The following WDR7 variants were observed in gnomAD, a reference collection of about 807,000 sequenced individuals.
WDR7 encodes WD repeat domain 7.
Under a neutral mutation model 169.4 loss-of-function variants are expected in WDR7, and 46 were observed. That is an observed-to-expected ratio of 0.27 (90% confidence interval 0.21 to 0.35). WDR7 has a LOEUF of 0.35. Among genes scored for constraint, WDR7 ranks in the 10% least tolerant of loss-of-function variants. The pLI, the probability that WDR7 is intolerant of heterozygous loss-of-function variation, is 1.00. For missense variants in WDR7, 1,534 were observed against 1,859.3 expected (o/e 0.83, Z 3.22); for synonymous variants, 612 against 666.8 (o/e 0.92, Z 1.27).
rs943060467 is a variant in WDR7, at chr18:57,028,431, A to C, written c.*1224A>C. ...TCATAATAATGAAAAAAATAGAATT[A>C]TATTTTGTATGAATTGTTTCTAACA... On this transcript the variant is annotated 3_prime_UTR_variant, in exon 28 of 28. Coordinates refer to ENST00000254442, the MANE Select transcript of WDR7 (RefSeq NM_015285.3). 5 of 152,298 alleles carry C rather than the reference A, an allele frequency of 3.3e-5. No individual in the cohort carries two copies. The highest frequency in any genetic ancestry group is 2.0e-4 in the Admixed American group (3 of 15,302). 9.4% of individuals were successfully genotyped at this position (152,298 alleles called of 1,614,324 possible).
chr18:56,975,764 C>T (rs903100905), intron 26 of WDR7, among the ~76,000 whole-genome samples: 67 of 152,186 alleles, frequency 4.4e-4, no homozygotes, highest in Non-Finnish European at 2.9e-5. Flanking sequence ...TGTGGCACAC[C>T]GGAGGGCACA....
intron 9 of WDR7, among the ~76,000 whole-genome samples, chr18:56,692,965 C>T (rs1445866216): frequency 6.6e-6 from 1 of 151,934 alleles, no homozygotes; most frequent in Non-Finnish European, 1.5e-5. Flanking sequence ...ACTTGGGAGG[C>T]TGAAGTGGGA....
chr18:56,798,471 A>G (rs2044620673), intron 19 of WDR7, among the ~76,000 whole-genome samples: 1 of 152,172 alleles, frequency 6.6e-6, no homozygotes, highest in Admixed American at 6.5e-5. Context: ...ATGCTTCTAA[A>G]CAGGACAGCC....
At position 57,029,384 on chromosome 18, in the gene WDR7, T is replaced by C. The variant is rs2048415834; in HGVS notation, c.*2177T>C. ...GATGTTTGATGATTAGACGGTCATC[T>C]CTAACTACTAAACTAATATCTGCAT... On this transcript the variant is annotated 3_prime_UTR_variant, in exon 28 of 28. Coordinates refer to ENST00000254442, the MANE Select transcript of WDR7 (RefSeq NM_015285.3). The C allele has an allele frequency of 1.3e-5, 2 of 152,194 alleles. No homozygotes were observed. The highest frequency in any genetic ancestry group is 2.9e-5 in the Non-Finnish European group (2 of 68,038). The allele number at this position is 152,194 out of a possible 1,614,324, so 9.4% of individuals were successfully genotyped here. A position where few individuals can be genotyped will look rare whatever the true frequency, so the allele number is the denominator to read the frequency against.
intron 12 of WDR7, among the ~76,000 whole-genome samples, chr18:56,707,553 A>G (rs1204934771): frequency 2.6e-5 from 4 of 151,484 alleles, no homozygotes; most frequent in African/African-American, 9.7e-5. Flanking sequence ...TTTCCTGCTC[A>G]TTGCCTGAAA....
At chr18:56,792,619 T>TG (rs1420661168) in intron 19 of WDR7, among the ~76,000 whole-genome samples, 1 of 151,642 alleles carries the variant, frequency 6.6e-6, no homozygotes, top group East Asian at 1.9e-4. Flanking sequence ...TTTGTTTTTT[T>TG]TTTTTTTTTG....
At chr18:56,725,399 G>A (rs1598992886) in intron 13 of WDR7, among the ~76,000 whole-genome samples, 2 of 151,772 alleles carry the variant, frequency 1.3e-5, no homozygotes, top group Middle Eastern at 3.4e-3. Context: ...TTCTCTGATG[G>A]CCAGTGATGA....
intron 16 of WDR7, among the ~76,000 whole-genome samples, chr18:56,766,930 A>G (rs1296560413): frequency 6.6e-6 from 1 of 152,166 alleles, no homozygotes; most frequent in Non-Finnish European, 1.5e-5. Flanking sequence ...TGCGTGTTTG[A>G]TAATCTTAGA....
chr18:56,769,391 G>A (rs1460520401), intron 16 of WDR7, among the ~76,000 whole-genome samples: 2 of 152,072 alleles, frequency 1.3e-5, no homozygotes, highest in Non-Finnish European at 2.9e-5. Flanking sequence ...TAGAAATGGA[G>A]TTTCACCATA....
At position 56,900,353 on chromosome 18, in the gene WDR7, T is replaced by C. The variant is rs192427497; in HGVS notation, c.3526+20188T>C. ...AGCGGTTACTTTAGGTAGTGTAAAG[T>C]TGGTTCCCATTCATTCTTGAAGGGA... On this transcript the variant is annotated intron_variant, in intron 21 of 27. Transcript: ENST00000254442. Among the ~76,000 whole-genome samples the C allele has an allele frequency of 8.6e-4, 131 of 152,090 alleles. 1 individual carries two copies. Among genetic ancestry groups the C allele is most frequent in the African/African-American group, 2.8e-3 (118 of 41,500 alleles).
intron 14 of WDR7, among the ~76,000 whole-genome samples, chr18:56,742,410 T>C (rs2043633198): frequency 6.6e-6 from 1 of 152,244 alleles, no homozygotes; most frequent in African/African-American, 2.4e-5. Context: ...AATAATTTAG[T>C]ATTTTGGGAG....
chr18:56,693,795 C>T (rs912186102), intron 9 of WDR7, among the ~76,000 whole-genome samples: 2 of 151,992 alleles, frequency 1.3e-5, no homozygotes, highest in Non-Finnish European at 2.9e-5. Flanking sequence ...TGGTCTTGAA[C>T]TTTTGGCCTC....
chr18:56,947,311 C>T (rs1568280902), intron 25 of WDR7, among the ~76,000 whole-genome samples: 1 of 152,160 alleles, frequency 6.6e-6, no homozygotes, highest in East Asian at 1.9e-4. Context: ...GGTTCTTTCC[C>T]AGCTGGGCCT....
intron 12 of WDR7, among the ~76,000 whole-genome samples, chr18:56,697,068 C>CTT (rs11387786): frequency 2.6e-5 from 4 of 151,670 alleles, no homozygotes; most frequent in Admixed American, 6.6e-5. Context: ...GATAACAGTA[C>CTT]TTTTTTTTAT....
chr18:56,944,664 G>A (rs1039911490), intron 25 of WDR7, among the ~76,000 whole-genome samples: 13 of 152,178 alleles, frequency 8.5e-5, no homozygotes, highest in African/African-American at 2.6e-4. Flanking sequence ...TAAAACTTCC[G>A]ATGTCATCTG....
At chr18:56,792,789 C>A (rs2044514389) in intron 19 of WDR7, among the ~76,000 whole-genome samples, 1 of 151,564 alleles carries the variant, frequency 6.6e-6, no homozygotes, top group Admixed American at 6.6e-5. Flanking sequence ...CACACACACA[C>A]ACAGACACAC....
At chr18:56,871,954 AGAATT>A (rs1359723806) in intron 20 of WDR7, among the ~76,000 whole-genome samples, 11 of 152,154 alleles carry the variant, frequency 7.2e-5, no homozygotes, top group Non-Finnish European at 1.3e-4. Flanking sequence ...TTCTAAATAA[AGAATT>A]GAATGTTTAA....
intron 20 of WDR7, among the ~76,000 whole-genome samples, chr18:56,853,705 G>GT (rs1395971905): frequency 6.6e-6 from 1 of 151,974 alleles, no homozygotes; most frequent in Non-Finnish European, 1.5e-5. Context: ...TTGTTCACCT[G>GT]TTTTTTGTTG....
chr18:56,890,192 C>T (rs2046246049), intron 21 of WDR7, among the ~76,000 whole-genome samples: 1 of 152,112 alleles, frequency 6.6e-6, no homozygotes, highest in South Asian at 2.1e-4. Context: ...TTAGTTCAGC[C>T]ACAACACTGC....
Sources: gnomAD v4.1 joint callset for allele counts (sites outside exome capture counted in the v4.1 genomes callset) on GRCh38, gnomAD v4.1.1 for gene constraint, MANE v1.5 for transcripts, NCBI Gene and HGNC (gene_info 2026-07-23, HGNC 2026-07-21) for gene names.